The following RBFOX3 variants were observed in gnomAD, a reference collection of about 807,000 sequenced individuals.
The protein encoded by RBFOX3 is RNA binding fox-1 homolog 3.
RBFOX3 carries 17 observed loss-of-function variants against 48.7 expected under a neutral mutation model. The ratio of observed to expected loss-of-function variants is 0.35; its 90% CI spans 0.24 to 0.52. RBFOX3 has a LOEUF of 0.52. RBFOX3 is among the 20% of genes least tolerant of loss of function. The pLI is 0.94. For synonymous variants in RBFOX3, 212 were observed against 209.5 expected (o/e 1.01, Z -0.10); for missense variants, 382 against 497.5 (o/e 0.77, Z 2.21).
At chr17:79,329,653 A>G (rs1348418302) in intron 2 of RBFOX3, among the ~76,000 whole-genome samples, 1 of 152,032 alleles carries the variant, frequency 6.6e-6, no homozygotes, top group Non-Finnish European at 1.5e-5. Context: ...TGCAAAGTCT[A>G]GGGAAGCTGT....
intron 4 of RBFOX3, among the ~76,000 whole-genome samples, chr17:79,200,536 C>T (rs968964545): frequency 2.6e-5 from 4 of 152,188 alleles, no homozygotes; most frequent in East Asian, 1.9e-4. Flanking sequence ...CAGCGGTGGC[C>T]GAGCAGAAGC....
the RBFOX3 span, among the ~76,000 whole-genome samples, chr17:79,620,515 G>A: frequency 4.4e-5 from 6 of 137,108 alleles, no homozygotes; most frequent in South Asian, 4.6e-4. Flanking sequence ...ATGCGCATAC[G>A]TGCACATGCA....
intron 4 of RBFOX3, among the ~76,000 whole-genome samples, chr17:79,200,354 C>T: frequency 6.6e-6 from 1 of 152,210 alleles, no homozygotes; most frequent in East Asian, 1.9e-4. Context: ...CAGGGAAAGC[C>T]AAAGCCTCTT....
chr17:79,297,905 T>TA (rs1026966049), intron 3 of RBFOX3, among the ~76,000 whole-genome samples: 7 of 152,274 alleles, frequency 4.6e-5, no homozygotes, highest in African/African-American at 1.7e-4. Flanking sequence ...ATAATAATAA[T>TA]AAAAAAGCCT....
At chr17:79,286,401 C>T (rs866349802) in intron 3 of RBFOX3, among the ~76,000 whole-genome samples, 4 of 152,284 alleles carry the variant, frequency 2.6e-5, no homozygotes, top group Admixed American at 6.5e-5. Context: ...CTGTCCCCAT[C>T]CCCTCCTCCA....
chr17:79,178,023 C>T (rs1212621752), intron 4 of RBFOX3, among the ~76,000 whole-genome samples: 1 of 152,214 alleles, frequency 6.6e-6, no homozygotes, highest in African/African-American at 2.4e-5. Context: ...CGCCGAGTCT[C>T]AACACTGAGC....
intron 3 of RBFOX3, among the ~76,000 whole-genome samples, chr17:79,269,675 C>T (rs546911060): frequency 6.6e-6 from 1 of 152,192 alleles, no homozygotes; most frequent in African/African-American, 2.4e-5. Flanking sequence ...GCTCCCTGCA[C>T]CCCCCACCTC....
chr17:79,232,622 C>T (rs994540172), intron 4 of RBFOX3, among the ~76,000 whole-genome samples: 1 of 152,136 alleles, frequency 6.6e-6, no homozygotes, highest in Non-Finnish European at 1.5e-5. Context: ...GCCCCATGCA[C>T]AAAAGCTAAT....
chr17:79,261,353 C>T (rs906011054), intron 3 of RBFOX3, among the ~76,000 whole-genome samples: 4 of 152,224 alleles, frequency 2.6e-5, no homozygotes, highest in African/African-American at 9.6e-5. Flanking sequence ...AAGCCACATG[C>T]ACAGGGTCTC....
rs1439234996 is a variant in RBFOX3, at chr17:79,243,157, ATTG to A, written c.-73-7355_-73-7353del. ...TCTGAAGCTTGGGGAAGTGAAGCAG[ATTG>A]CCCTAAATGCCACAGCTGGTAGCGG... is the stretch of plus-strand genomic sequence containing the variant. On this transcript the variant is annotated intron_variant, in intron 3 of 14. Coordinates refer to ENST00000693108, the MANE Select transcript of RBFOX3 (RefSeq NM_001350451.2). This position sits in a 1 kb window ranked among gnomAD's most constrained non-coding sequence, Gnocchi z 7.9. Among the ~76,000 whole-genome samples, 1 of 151,388 alleles carries A rather than the reference ATTG, an allele frequency of 6.6e-6. No individual in the cohort carries two copies. Among genetic ancestry groups the A allele is most frequent in the African/African-American group, 2.4e-5 (1 of 41,178 alleles).
At chr17:79,590,135 A>C in intron 1 of RBFOX3, among the ~76,000 whole-genome samples, 1 of 151,068 alleles carries the variant, frequency 6.6e-6, no homozygotes, top group African/African-American at 2.4e-5. Flanking sequence ...CCGCCTCCCC[A>C]CCCCCCAGGC....
In RBFOX3 at chr17:79,477,029, T is replaced by C. The variant is rs968458018; in HGVS notation, c.-175+5425A>G. Among the ~76,000 whole-genome samples, 4 of 150,968 alleles carry C rather than the reference T, an allele frequency of 2.6e-5. No homozygotes were observed. Among genetic ancestry groups the C allele is most frequent in the African/African-American group, 4.9e-5 (2 of 40,954 alleles). On this transcript the variant is annotated intron_variant, in intron 2 of 14. Transcript: ENST00000693108. This position sits in a 1 kb window ranked among gnomAD's most constrained non-coding sequence, Gnocchi z 4.8. ...GGGTGGATCACTTGAGGTCAGGAGT[T>C]CGAGACCAGCCTGGCCAACAGGGTG...
intron 4 of RBFOX3, among the ~76,000 whole-genome samples, chr17:79,211,856 G>C (rs146546842): frequency 4.6e-5 from 7 of 152,234 alleles, no homozygotes; most frequent in South Asian, 2.1e-4. Flanking sequence ...CTGGACTTTC[G>C]GTTAGGCCCT....
chr17:79,342,981 A>AGC (rs2082332791), intron 2 of RBFOX3, among the ~76,000 whole-genome samples: 2 of 104,914 alleles, frequency 1.9e-5, no homozygotes, highest in African/African-American at 6.6e-5. Flanking sequence ...AGAAAGAGCG[A>AGC]GAGAGAGAGA....
At chr17:79,216,602 C>A (rs1447119271) in intron 4 of RBFOX3, among the ~76,000 whole-genome samples, 1 of 152,156 alleles carries the variant, frequency 6.6e-6, no homozygotes, top group African/African-American at 2.4e-5. Context: ...AGAGCACAGG[C>A]CCCACGGCTG....
intron 1 of RBFOX3, among the ~76,000 whole-genome samples, chr17:79,572,383 C>T (rs1187765487): frequency 1.3e-5 from 2 of 152,214 alleles, no homozygotes; most frequent in African/African-American, 4.8e-5. Flanking sequence ...TCCAGGAGCT[C>T]ATTGTGGCCC....
intron 1 of RBFOX3, among the ~76,000 whole-genome samples, chr17:79,556,187 G>A (rs1411300307): frequency 2.0e-5 from 3 of 152,162 alleles, no homozygotes; most frequent in Non-Finnish European, 2.9e-5. Flanking sequence ...GCCTAGAGAA[G>A]ACCAAGTTTT....
intron 3 of RBFOX3, among the ~76,000 whole-genome samples, chr17:79,296,943 T>C: frequency 8.7e-6 from 1 of 115,516 alleles, no homozygotes; most frequent in Non-Finnish European, 1.8e-5. Flanking sequence ...CTCTCCCTCC[T>C]CCTCCTCTTC....
rs373577513 is a variant in RBFOX3 at position 79,498,595 on chromosome 17, C to T, written c.-319-15997G>A. ...CTTCCCCCCACCCCATCTACCCATT[C>T]GCCCATCCATCCATGCATCTATCCA... On this transcript the variant is annotated intron_variant, in intron 1 of 14. Coordinates refer to ENST00000693108, the MANE Select transcript of RBFOX3 (RefSeq NM_001350451.2). Among the ~76,000 whole-genome samples the T allele has an allele frequency of 2.9e-4, 44 of 151,316 alleles. 1 individual carries two copies. The highest frequency in any genetic ancestry group is 2.6e-3 in the East Asian group (13 of 5,076).
Sources: gnomAD v4.1 joint callset for allele counts (sites outside exome capture counted in the v4.1 genomes callset) on GRCh38, gnomAD v4.1.1 for gene constraint, Gnocchi (gnomAD v3.1) non-coding constraint, MANE v1.5 for transcripts, NCBI Gene and HGNC (gene_info 2026-07-23, HGNC 2026-07-21) for gene names.